Variants in CALN1 observed in about 807,000 individuals in gnomAD.
The protein encoded by CALN1 is calcium-binding protein 8.
In CALN1, 17 loss-of-function variants were observed where a neutral mutation model predicts 30.6. The observed-to-expected ratio is 0.56, with a 90% CI of 0.38 to 0.83. The LOEUF (loss-of-function observed/expected upper bound fraction) is 0.83, where lower values mean the gene tolerates loss of function less well. CALN1 is among the 40% of genes least tolerant of loss of function. The pLI, the probability that CALN1 is intolerant of heterozygous loss-of-function variation, is 0.00. For missense variants in CALN1, 291 were observed against 354.9 expected, an observed-to-expected ratio of 0.82 and a Z score of 1.45; for synonymous variants, 156 against 131.4, an observed-to-expected ratio of 1.19 and a Z score of -1.28.
intron 5 of CALN1, among the ~76,000 whole-genome samples, chr7:72,021,608 C>T (rs952350986): frequency 2.0e-5 from 3 of 152,202 alleles, no homozygotes; most frequent in Admixed American, 2.0e-4. Flanking sequence ...AGGGAGATGG[C>T]GTTTTCCTGT....
At chr7:71,909,248 G>A (rs1434007978) in intron 5 of CALN1, among the ~76,000 whole-genome samples, 4 of 152,134 alleles carry the variant, frequency 2.6e-5, no homozygotes, top group African/African-American at 4.8e-5. Context: ...TCTGGCCTCC[G>A]GAAGTGCTGG....
chr7:72,228,838 T>C lies in CALN1; in HGVS notation c.244+49848A>G, dbSNP rs1162782255. Among the ~76,000 whole-genome samples the C allele has an allele frequency of 4.0e-5, 6 of 151,642 alleles. No homozygotes were observed. In the South Asian group the frequency reaches 6.2e-4, roughly 16 times the overall value. On this transcript the variant is annotated intron_variant, in intron 3 of 6. Transcript: ENST00000395275. ...GTGCACTGATGCAATCATAGCTCAC[T>C]GCAACCTCAACCTCCTGGGTTTACA...
intron 4 of CALN1, among the ~76,000 whole-genome samples, chr7:72,088,965 G>A (rs1805671131): frequency 6.6e-6 from 1 of 151,994 alleles, no homozygotes; most frequent in Admixed American, 6.6e-5. Flanking sequence ...GAAACTTTAT[G>A]TCAGAACAAA....
At chr7:72,050,994 CAATAAATAAATAAATAAATA>C (rs10601126) in intron 4 of CALN1, among the ~76,000 whole-genome samples, 14 of 139,278 alleles carry the variant, frequency 1.0e-4, no homozygotes, top group East Asian at 8.3e-4. Context: ...GACTCCACCA[CAATAAATAAATAAATAAATA>C]AATAAATAAA....
At chr7:72,074,540 T>C (rs1852089) in intron 4 of CALN1, among the ~76,000 whole-genome samples, 34,793 of 152,074 alleles carry the variant, frequency 0.23, 4,933 homozygotes, top group East Asian at 0.69. Context: ...CCTGAGTAGC[T>C]GGGATTACAG....
chr7:72,203,993 T>TC, intron 3 of CALN1, among the ~76,000 whole-genome samples: 1 of 121,766 alleles, frequency 8.2e-6, no homozygotes, highest in Non-Finnish European at 1.7e-5. Flanking sequence ...TTTTTTTTTT[T>TC]TTTTTTTTTT....
Position 72,308,375 on chromosome 7 carries a change from GA to G in CALN1, c.120-29566del, listed in dbSNP as rs1562868291. 2.9e-3 allele frequency among the ~76,000 whole-genome samples: 88 copies of G among 29,872 alleles called. 1 individual carries two copies. The highest frequency in any genetic ancestry group is 7.8e-3 in the African/African-American group (63 of 8,030). The allele number at this position is 29,872 out of a possible 152,430, so 19.6% of individuals were successfully genotyped here. ...TGAGATGCTGTCTGTGGGGGGGGGA[GA>G]GAGAGAGAGAGAGAGAGAGAGAGAG... On this transcript the variant is annotated intron_variant, in intron 2 of 6. Coordinates refer to ENST00000395275, the MANE Select transcript of CALN1 (RefSeq NM_031468.4).
intron 1 of CALN1, among the ~76,000 whole-genome samples, chr7:72,407,644 G>A (rs1806794586): frequency 6.6e-6 from 1 of 152,136 alleles, no homozygotes. Flanking sequence ...ATAGCCTGCA[G>A]AACCGTGAGC....
chr7:72,120,493 A>G (rs910872978), intron 3 of CALN1, among the ~76,000 whole-genome samples: 3 of 152,170 alleles, frequency 2.0e-5, no homozygotes, highest in African/African-American at 2.4e-5. Context: ...TAATGTTGCA[A>G]TGGAAATCTT....
chr7:71,918,089 A>G (rs1794768193), intron 5 of CALN1, among the ~76,000 whole-genome samples: 2 of 152,236 alleles, frequency 1.3e-5, no homozygotes, highest in Admixed American at 1.3e-4. Context: ...CTTGCCTAGA[A>G]GATAGGAATT....
chr7:72,282,833 C>T (rs963230779), intron 2 of CALN1, among the ~76,000 whole-genome samples: 2 of 152,118 alleles, frequency 1.3e-5, no homozygotes, highest in Non-Finnish European at 2.9e-5. Context: ...GCAGGCAGAT[C>T]ACCCAAGGTC....
intron 3 of CALN1, among the ~76,000 whole-genome samples, chr7:72,177,492 A>G (rs574119839): frequency 2.6e-3 from 396 of 152,120 alleles, no homozygotes; most frequent in African/African-American, 9.2e-3. Context: ...GGGCGGGGCA[A>G]TGTGGTTCAT....
intron 4 of CALN1, among the ~76,000 whole-genome samples, chr7:72,044,833 C>A (rs1018529899): frequency 2.0e-5 from 3 of 151,778 alleles, no homozygotes; most frequent in Non-Finnish European, 4.4e-5. Flanking sequence ...TTCCCCAGGC[C>A]GATCTCCACC....
chr7:72,213,861 C>T (rs559997684), intron 3 of CALN1, among the ~76,000 whole-genome samples: 48 of 152,296 alleles, frequency 3.2e-4, no homozygotes, highest in Admixed American at 7.8e-4. Flanking sequence ...GAGAGAGCTC[C>T]GTAGCTTCTT....
At chr7:72,252,466 T>C (rs892063510) in intron 3 of CALN1, among the ~76,000 whole-genome samples, 1 of 152,042 alleles carries the variant, frequency 6.6e-6, no homozygotes, top group Non-Finnish European at 1.5e-5. Context: ...TAGCCATGTG[T>C]GGTGGTGCTT....
chr7:72,173,692 T>C (rs538753764), intron 3 of CALN1, among the ~76,000 whole-genome samples: 15 of 148,546 alleles, frequency 1.0e-4, no homozygotes, highest in African/African-American at 3.9e-4. Flanking sequence ...AAGGTGGTTT[T>C]GTTTGTTTGT....
At chr7:72,061,928 A>T (rs1803683844) in intron 4 of CALN1, among the ~76,000 whole-genome samples, 2 of 152,152 alleles carry the variant, frequency 1.3e-5, no homozygotes, top group South Asian at 4.1e-4. Flanking sequence ...AAAGACAAAG[A>T]AAAACATCTT....
At chr7:72,195,372 A>G (rs1056778327) in intron 3 of CALN1, among the ~76,000 whole-genome samples, 12 of 152,116 alleles carry the variant, frequency 7.9e-5, no homozygotes, top group Non-Finnish European at 1.5e-4. Context: ...TCTGATGTCA[A>G]TTACAATCTC....
At chr7:72,061,695 G>C (rs1190699883) in intron 4 of CALN1, among the ~76,000 whole-genome samples, 1 of 150,452 alleles carries the variant, frequency 6.6e-6, no homozygotes, top group African/African-American at 2.4e-5. Flanking sequence ...GATGAGAAAG[G>C]CTGCAGAGAA....
Sources: allele counts gnomAD v4.1 joint callset (sites outside exome capture counted in the v4.1 genomes callset), GRCh38; gene constraint gnomAD v4.1.1; transcripts MANE v1.5; gene names NCBI Gene and HGNC (gene_info 2026-07-23, HGNC 2026-07-21).